THSD4: variants seen among roughly 807,000 people sequenced by gnomAD.
The protein encoded by THSD4 is thrombospondin type-1 domain-containing protein 4.
A neutral mutation model predicts 119.0 loss-of-function variants in THSD4; 69 were observed. The ratio of observed to expected loss-of-function variants is 0.58; its 90% CI spans 0.48 to 0.71. The LOEUF is 0.71. THSD4 is among the 30% of genes least tolerant of loss of function. THSD4 has a pLI of 0.00. For missense variants in THSD4, 1,393 were observed against 1,391.1 expected, an observed-to-expected ratio of 1.00 and a Z score of -0.02; for synonymous variants, 524 against 540.4, an observed-to-expected ratio of 0.97 and a Z score of 0.42.
intron 6 of THSD4, among the ~76,000 whole-genome samples, chr15:71,390,874 T>TGTA (rs1405940578): frequency 7.0e-6 from 1 of 143,332 alleles, no homozygotes. Context: ...TTTTTTTTTT[T>TGTA]GTACAGAGAG....
chr15:71,305,062 G>C (rs553438909), intron 6 of THSD4, among the ~76,000 whole-genome samples: 1 of 152,344 alleles, frequency 6.6e-6, no homozygotes, highest in Non-Finnish European at 1.5e-5. Flanking sequence ...CTGGTGAAAA[G>C]TGGGTACGTT....
intron 1 of THSD4, among the ~76,000 whole-genome samples, chr15:71,099,129 A>G (rs919204097): frequency 2.6e-5 from 4 of 152,206 alleles, no homozygotes; most frequent in South Asian, 2.1e-4. Context: ...ACTCCACCCC[A>G]TGACCACCAC....
chr15:71,685,710 A>G (rs2051893764), intron 8 of THSD4, among the ~76,000 whole-genome samples: 1 of 152,168 alleles, frequency 6.6e-6, no homozygotes, highest in African/African-American at 2.4e-5. Flanking sequence ...GATCATTGTG[A>G]ATCTTCTCCT....
chr15:71,415,097 C>T (rs1464782265), intron 7 of THSD4, among the ~76,000 whole-genome samples: 1 of 152,222 alleles, frequency 6.6e-6, no homozygotes, highest in Non-Finnish European at 1.5e-5. Context: ...AGACAGTTTT[C>T]CCTAAGATGT....
At chr15:71,728,835 C>T in intron 9 of THSD4, 111 bp downstream of exon 9, 1 of 1,422,506 alleles carries the variant, frequency 7.0e-7, no homozygotes, top group Non-Finnish European at 9.8e-7. Flanking sequence ...AATAAAAACC[C>T]TTTGAGCAGA....
chr15:71,153,099 T>G (rs1443077520), intron 2 of THSD4, among the ~76,000 whole-genome samples: 1 of 152,138 alleles, frequency 6.6e-6, no homozygotes, highest in Non-Finnish European at 1.5e-5. Context: ...CTTTAGATGT[T>G]TTTCAGAGGA....
intron 8 of THSD4, among the ~76,000 whole-genome samples, chr15:71,711,476 T>C (rs1265219174): frequency 6.6e-6 from 1 of 151,742 alleles, no homozygotes; most frequent in East Asian, 1.9e-4. Flanking sequence ...ATAGATAAAT[T>C]ATACAGAATA....
intron 7 of THSD4, among the ~76,000 whole-genome samples, chr15:71,657,714 C>T (rs1448957961): frequency 6.6e-6 from 1 of 152,174 alleles, no homozygotes; most frequent in Non-Finnish European, 1.5e-5. Context: ...GCATGCTTCA[C>T]TGAAACCAAC....
chr15:71,626,617 T>G (rs1265918333), intron 7 of THSD4, among the ~76,000 whole-genome samples: 1 of 152,238 alleles, frequency 6.6e-6, no homozygotes, highest in African/African-American at 2.4e-5. Flanking sequence ...ATTTTTCTTC[T>G]GTAGTACCAA....
At chr15:71,605,493 A>G (rs1418205893) in intron 7 of THSD4, among the ~76,000 whole-genome samples, 1 of 152,218 alleles carries the variant, frequency 6.6e-6, no homozygotes, top group Non-Finnish European at 1.5e-5. Flanking sequence ...AGAAGTGCCC[A>G]TTACTAACTA....
chr15:71,332,644 C>G (rs889416093), intron 6 of THSD4, among the ~76,000 whole-genome samples: 1 of 152,060 alleles, frequency 6.6e-6, no homozygotes, highest in African/African-American at 2.4e-5. Flanking sequence ...TTTTATGGCC[C>G]GATTGCTGTC....
intron 10 of THSD4, chr15:71,733,562 A>G (rs1219274383): frequency 2.0e-5 from 3 of 152,162 alleles, no homozygotes; most frequent in Admixed American, 2.0e-4. Flanking sequence ...TTTGTTGGTC[A>G]TATTTGCATG....
At chr15:71,422,110 G>A (rs28875515) in intron 7 of THSD4, among the ~76,000 whole-genome samples, 8,564 of 152,254 alleles carry the variant, frequency 0.056, 324 homozygotes, top group African/African-American at 0.096. Context: ...TGAATTTCCT[G>A]ACTGAAAGGT....
At chr15:71,321,612 TC>T (rs2045270177) in intron 6 of THSD4, among the ~76,000 whole-genome samples, 1 of 152,180 alleles carries the variant, frequency 6.6e-6, no homozygotes, top group Admixed American at 6.5e-5. Flanking sequence ...AAAATTGTTT[TC>T]CCTTCCCTGC....
chr15:71,375,984 A>T (rs752153334), intron 6 of THSD4, among the ~76,000 whole-genome samples: 2 of 152,190 alleles, frequency 1.3e-5, no homozygotes, highest in South Asian at 4.2e-4. Context: ...ATGTACTGTC[A>T]CATACCGACT....
At chr15:71,750,889 G>A (rs2053435824) in intron 14 of THSD4, among the ~76,000 whole-genome samples, 1 of 152,192 alleles carries the variant, frequency 6.6e-6, no homozygotes. Flanking sequence ...AAACAGTGGG[G>A]GAAGGTGTTT....
At chr15:71,187,419 A>G (rs1388721915) in intron 3 of THSD4, 1 of 152,590 alleles carries the variant, frequency 6.6e-6, no homozygotes, top group Non-Finnish European at 1.5e-5. Context: ...ATCTGGACTG[A>G]TTGACTTGTC....
chr15:71,714,453 G>A (rs2052569361), intron 8 of THSD4, among the ~76,000 whole-genome samples: 1 of 152,212 alleles, frequency 6.6e-6, no homozygotes, highest in East Asian at 1.9e-4. Flanking sequence ...AGCTTTAGGA[G>A]TGTCTATTGT....
intron 6 of THSD4, among the ~76,000 whole-genome samples, chr15:71,301,518 T>C (rs193218995): frequency 2.6e-5 from 4 of 152,304 alleles, no homozygotes; most frequent in Admixed American, 2.6e-4. Context: ...TGCTGTTCTA[T>C]TGGGTAAAAA....
Sources: allele counts gnomAD v4.1 joint callset (sites outside exome capture counted in the v4.1 genomes callset), GRCh38; gene constraint gnomAD v4.1.1; transcripts MANE v1.5; gene names NCBI Gene and HGNC (gene_info 2026-07-23, HGNC 2026-07-21).